The following BANP variants were observed in gnomAD, a reference collection of about 807,000 sequenced individuals.
The protein encoded by BANP is protein BANP.
In BANP, 11 loss-of-function variants were observed where a neutral mutation model predicts 68.1. That is an observed-to-expected ratio of 0.16 (90% CI 0.10 to 0.27). The LOEUF is 0.27. Ranked by LOEUF, BANP falls within the 10% of genes least tolerant of loss-of-function variation. BANP has a pLI of 1.00. For missense variants in BANP, 504 were observed against 722.7 expected (o/e 0.70, Z 3.47); for synonymous variants, 329 against 303.2 (o/e 1.09, Z -0.88).
intron 11 of BANP, among the ~76,000 whole-genome samples, chr16:88,045,429 C>T (rs554618680): frequency 3.9e-5 from 6 of 152,368 alleles, no homozygotes; most frequent in African/African-American, 1.4e-4. Context: ...TCAGTTGCAG[C>T]TGGGCTGTGC....
chr16:87,975,301 A>T, intron 2 of BANP, 116 bp downstream of exon 2: 3 of 1,059,732 alleles, frequency 2.8e-6, no homozygotes, highest in Non-Finnish European at 4.3e-6. Context: ...CATGCTGCGT[A>T]TGAAAAGTTT....
chr16:87,968,138 C>T (rs2145400935), intron 1 of BANP, among the ~76,000 whole-genome samples: 1 of 151,874 alleles, frequency 6.6e-6, no homozygotes, highest in East Asian at 1.9e-4. Context: ...TTAAATGCAC[C>T]AATGCCAAGG....
chr16:88,014,680 A>G (rs1267643661), intron 6 of BANP, among the ~76,000 whole-genome samples: 1 of 151,678 alleles, frequency 6.6e-6, no homozygotes, highest in Non-Finnish European at 1.5e-5. Flanking sequence ...CCGTCCCCAC[A>G]CCATCCTCGC....
chr16:87,977,944 T>C (rs1308104758), intron 2 of BANP, among the ~76,000 whole-genome samples: 1 of 152,198 alleles, frequency 6.6e-6, no homozygotes, highest in Non-Finnish European at 1.5e-5. Flanking sequence ...CAAGCGATTC[T>C]CCTGCCTCAG....
intron 1 of BANP, among the ~76,000 whole-genome samples, chr16:87,971,010 G>C (rs1258180282): frequency 1.1e-5 from 1 of 93,152 alleles, no homozygotes; most frequent in Non-Finnish European, 2.1e-5. Flanking sequence ...GAGTGAGACT[G>C]CATCTCAAAA....
intron 4 of BANP, among the ~76,000 whole-genome samples, chr16:87,995,590 T>C (rs886304254): frequency 3.9e-5 from 6 of 152,118 alleles, no homozygotes; most frequent in Non-Finnish European, 7.3e-5. Context: ...TTGATGATAA[T>C]TACTTTAATT....
intron 11 of BANP, among the ~76,000 whole-genome samples, chr16:88,041,112 A>G (rs115528660): frequency 6.6e-6 from 1 of 152,082 alleles, no homozygotes; most frequent in East Asian, 1.9e-4. Flanking sequence ...CTGGGCTCAC[A>G]CTTGTTGCCG....
chr16:88,076,735 G>A lies in BANP; in HGVS notation c.*74G>A. ...GGCCCCCACGCGCCCTGCTCTCACGGCCTCGGCACAGGCAGCGGCTGCACG... is the reference window on the plus strand; with the variant it reads ...GGCCCCCACGCGCCCTGCTCTCACGACCTCGGCACAGGCAGCGGCTGCACG... On this transcript the variant is annotated 3_prime_UTR_variant, in exon 14 of 14. Transcript: ENST00000682872. 3 of 1,286,060 alleles carry A rather than the reference G, an allele frequency of 2.3e-6. No homozygotes were observed. Among genetic ancestry groups the A allele is most frequent in the Non-Finnish European group, 3.2e-6 (3 of 937,542 alleles). The allele number at this position is 1,286,060 out of a possible 1,614,324, so 79.7% of individuals were successfully genotyped here.
intron 4 of BANP, among the ~76,000 whole-genome samples, chr16:87,988,593 GAAGTATGT>G (rs893876674): frequency 6.6e-6 from 1 of 152,134 alleles, no homozygotes; most frequent in African/African-American, 2.4e-5. Context: ...ATGAAGATTA[GAAGTATGT>G]AAGTCACAGA....
At chr16:87,986,988 C>G (rs561584355) in intron 4 of BANP, among the ~76,000 whole-genome samples, 25 of 152,192 alleles carry the variant, frequency 1.6e-4, no homozygotes, top group Non-Finnish European at 3.5e-4. Flanking sequence ...AAGAATCGTT[C>G]TGCTATTTTC....
rs536487878 is a variant in BANP at position 87,957,538 on chromosome 16, G to A, written c.-69+6023G>A. Among the ~76,000 whole-genome samples, 3 of 152,366 alleles carry A rather than the reference G, an allele frequency of 2.0e-5. No individual in the cohort carries two copies. Among genetic ancestry groups the A allele is most frequent in the Admixed American group, 6.5e-5 (1 of 15,310 alleles). On this transcript the variant is annotated intron_variant, in intron 1 of 13. Coordinates refer to ENST00000682872, the MANE Select transcript of BANP (RefSeq NM_001386991.1). The surrounding 1 kb of genome is among the most constrained non-coding windows in gnomAD (Gnocchi z 4.3). Reference sequence around the variant, plus strand: ...TCACGGAGGCCTGCCGCAGGGCCCTGCGCTGACAAACCTTTCGCTAGTGAC... The same window carrying A: ...TCACGGAGGCCTGCCGCAGGGCCCTACGCTGACAAACCTTTCGCTAGTGAC...
intron 1 of BANP, chr16:87,952,139 C>G (rs1354106161): frequency 1.3e-5 from 2 of 152,310 alleles, no homozygotes; most frequent in African/African-American, 4.8e-5. Context: ...TTTCTGTGAT[C>G]TAGTCCTTAA....
chr16:87,961,695 A>G (rs2059186699), intron 1 of BANP, among the ~76,000 whole-genome samples: 1 of 152,180 alleles, frequency 6.6e-6, no homozygotes, highest in African/African-American at 2.4e-5. Context: ...GTCCCCTTTG[A>G]AACTCATGTT....
chr16:88,048,391 G>A (rs986789013), intron 11 of BANP, among the ~76,000 whole-genome samples: 1 of 151,998 alleles, frequency 6.6e-6, no homozygotes, highest in Non-Finnish European at 1.5e-5. Flanking sequence ...AGGAAAGAAG[G>A]GGCCAGAAGA....
At chr16:87,955,717 T>A (rs2144603987) in intron 1 of BANP, among the ~76,000 whole-genome samples, 1 of 152,060 alleles carries the variant, frequency 6.6e-6, no homozygotes, top group East Asian at 1.9e-4. Flanking sequence ...AGCCTCTCGG[T>A]GGAAAAACCC....
intron 2 of BANP, among the ~76,000 whole-genome samples, chr16:87,976,280 C>T (rs1047757430): frequency 1.4e-4 from 22 of 152,162 alleles, no homozygotes; most frequent in Non-Finnish European, 2.9e-4. Context: ...ACGGACAGTG[C>T]TTGAGAACAA....
At chr16:88,066,513 C>A (rs1251018392) in intron 12 of BANP, among the ~76,000 whole-genome samples, 1 of 152,110 alleles carries the variant, frequency 6.6e-6, no homozygotes, top group Non-Finnish European at 1.5e-5. Flanking sequence ...GACACTGTGG[C>A]CTCTGTTCCC....
At chr16:88,026,686 G>C (rs1390834033) in intron 7 of BANP, among the ~76,000 whole-genome samples, 3 of 149,100 alleles carry the variant, frequency 2.0e-5, no homozygotes, top group Non-Finnish European at 3.0e-5. Context: ...TACATAACTT[G>C]AATTCTCCAA....
intron 2 of BANP, among the ~76,000 whole-genome samples, chr16:87,977,777 A>G (rs1435467986): frequency 1.3e-5 from 2 of 152,166 alleles, no homozygotes; most frequent in Non-Finnish European, 2.9e-5. Flanking sequence ...CGCTTACTCT[A>G]CCTGTCTGAA....
Sources: gnomAD v4.1 joint callset for allele counts (sites outside exome capture counted in the v4.1 genomes callset) on GRCh38, gnomAD v4.1.1 for gene constraint, Gnocchi (gnomAD v3.1) non-coding constraint, MANE v1.5 for transcripts, NCBI Gene and HGNC (gene_info 2026-07-23, HGNC 2026-07-21) for gene names.